The following CNIH3 variants were observed in gnomAD, a reference collection of about 807,000 sequenced individuals.
CNIH3 encodes the protein protein cornichon homolog 3.
CNIH3 carries 14 observed loss-of-function variants against 24.1 expected under a neutral mutation model. The ratio of observed to expected loss-of-function variants is 0.58; its 90% CI spans 0.38 to 0.91. CNIH3 has a LOEUF of 0.91. CNIH3 is among the 40% of genes least tolerant of loss of function. The pLI is 0.00. For synonymous variants in CNIH3, 68 were observed against 73.8 expected (o/e 0.92, Z 0.40); for missense variants, 178 against 196.8 (o/e 0.90, Z 0.57).
intron 3 of CNIH3, among the ~76,000 whole-genome samples, chr1:224,561,057 C>T (rs996104302): frequency 8.5e-5 from 13 of 152,098 alleles, no homozygotes; most frequent in Non-Finnish European, 1.9e-4. Context: ...GAGTTTCTTA[C>T]CCTTTGTTCT....
chr1:224,561,574 C>A (rs1292757284), intron 3 of CNIH3, among the ~76,000 whole-genome samples: 1 of 152,132 alleles, frequency 6.6e-6, no homozygotes, highest in Non-Finnish European at 1.5e-5. Flanking sequence ...GATGTGGCCT[C>A]TTCTAATGGG....
intron 1 of CNIH3, among the ~76,000 whole-genome samples, chr1:224,450,202 A>G (rs1034461420): frequency 7.9e-5 from 12 of 152,220 alleles, no homozygotes; most frequent in Non-Finnish European, 1.6e-4. Context: ...TATTCTTATA[A>G]GCTTACACAA....
At chr1:224,493,259 T>C (rs1016157895) in intron 1 of CNIH3, among the ~76,000 whole-genome samples, 2 of 152,226 alleles carry the variant, frequency 1.3e-5, no homozygotes, top group African/African-American at 4.8e-5. Flanking sequence ...ATTCGTGTAA[T>C]ATATATGCGG....
At chr1:224,722,504 C>A (rs1688774084) in intron 3 of CNIH3, among the ~76,000 whole-genome samples, 1 of 152,112 alleles carries the variant, frequency 6.6e-6, no homozygotes, top group Non-Finnish European at 1.5e-5. Context: ...TTCGGTAGGT[C>A]TGGGATGGGG....
chr1:224,522,621 G>A (rs1359548889), intron 2 of CNIH3, among the ~76,000 whole-genome samples: 1 of 152,134 alleles, frequency 6.6e-6, no homozygotes, highest in African/African-American at 2.4e-5. Flanking sequence ...AGATTGACAG[G>A]GCATTTCACA....
At chr1:224,507,193 A>G (rs1572381595) in intron 1 of CNIH3, among the ~76,000 whole-genome samples, 1 of 152,146 alleles carries the variant, frequency 6.6e-6, no homozygotes, top group Non-Finnish European at 1.5e-5. Flanking sequence ...ATCAACATGT[A>G]TGTATCCCTC....
At chr1:224,467,205 T>C (rs1676183912) in intron 1 of CNIH3, among the ~76,000 whole-genome samples, 1 of 152,164 alleles carries the variant, frequency 6.6e-6, no homozygotes. Flanking sequence ...TTTTCTGTTT[T>C]TTGTAGAGAC....
chr1:224,724,400 A>T (rs2125230049), intron 3 of CNIH3, among the ~76,000 whole-genome samples: 1 of 152,334 alleles, frequency 6.6e-6, no homozygotes. Flanking sequence ...ATTAAAGAGC[A>T]TGTGGCCTCC....
chr1:224,694,341 C>A (rs1344421901), intron 3 of CNIH3, among the ~76,000 whole-genome samples: 2 of 152,342 alleles, frequency 1.3e-5, no homozygotes, highest in East Asian at 3.9e-4. Flanking sequence ...GCCCTCATGG[C>A]AGCAGGAGAA....
At chr1:224,650,362 A>C (rs992913675) in intron 1 of CNIH3, among the ~76,000 whole-genome samples, 6 of 152,182 alleles carry the variant, frequency 3.9e-5, no homozygotes, top group African/African-American at 1.4e-4. Flanking sequence ...GGCTGAGTAC[A>C]TACTTCCTGG....
intron 1 of CNIH3, among the ~76,000 whole-genome samples, chr1:224,649,683 C>T (rs567381547): frequency 1.3e-5 from 2 of 152,192 alleles, no homozygotes; most frequent in South Asian, 2.1e-4. Flanking sequence ...AAACTTTGCC[C>T]GAGGAAAGAA....
intron 1 of CNIH3, among the ~76,000 whole-genome samples, chr1:224,483,763 G>T (rs892459417): frequency 1.3e-5 from 2 of 152,118 alleles, no homozygotes; most frequent in East Asian, 3.9e-4. Flanking sequence ...TTCCTGTGGG[G>T]GATGACAATC....
At chr1:224,465,765 C>T (rs930970307) in intron 1 of CNIH3, among the ~76,000 whole-genome samples, 41 of 152,188 alleles carry the variant, frequency 2.7e-4, no homozygotes, top group African/African-American at 8.7e-4. Flanking sequence ...CTGTGGCTCA[C>T]GCCTGTAACC....
chr1:224,723,222 C>T (rs1688829908), intron 3 of CNIH3, among the ~76,000 whole-genome samples: 1 of 152,170 alleles, frequency 6.6e-6, no homozygotes, highest in South Asian at 2.1e-4. Context: ...GCATGTGTGG[C>T]TGGTTGCTGA....
chr1:224,463,115 CTCGATCT>C (rs1675996656), intron 1 of CNIH3, among the ~76,000 whole-genome samples: 1 of 151,952 alleles, frequency 6.6e-6, no homozygotes, highest in Admixed American at 6.6e-5. Flanking sequence ...CCAGGATGGT[CTCGATCT>C]CTTGACCTCG....
chr1:224,698,095 GT>G (rs1338690286), intron 3 of CNIH3, among the ~76,000 whole-genome samples: 1 of 152,176 alleles, frequency 6.6e-6, no homozygotes, highest in Admixed American at 6.5e-5. Context: ...CCAGAACTGA[GT>G]TTCACTGGCT....
chr1:224,524,633 G>A lies in CNIH3; in HGVS notation n.343+3306G>A, dbSNP rs114390118. On this transcript the variant is annotated intron_variant and non_coding_transcript_variant, in intron 2 of 2. Coordinates refer to the CNIH3 transcript ENST00000470602. The stretch of plus-strand genomic sequence containing the variant: ...TATGTAGTATAGTTGCATTGTGTTA[G>A]GTAGGGATATTACTGAAATTGAACA... Among the ~76,000 whole-genome samples, 760 of 152,256 alleles carry A rather than the reference G, an allele frequency of 5.0e-3. 10 individuals carry two copies. Among genetic ancestry groups the A allele is most frequent in the African/African-American group, 0.016 (675 of 41,550 alleles).
chr1:224,568,448 A>G (rs1358580548), intron 4 of CNIH3, among the ~76,000 whole-genome samples: 5 of 152,158 alleles, frequency 3.3e-5, no homozygotes, highest in Non-Finnish European at 7.4e-5. Context: ...TATAATATAT[A>G]TGTGATGTGT....
At chr1:224,607,943 T>C (rs1682502830) in intron 3 of CNIH3, among the ~76,000 whole-genome samples, 1 of 152,154 alleles carries the variant, frequency 6.6e-6, no homozygotes, top group African/African-American at 2.4e-5. Context: ...AAAAAGTTAT[T>C]GTGCAATAAA....
Sources: gnomAD v4.1 joint callset for allele counts (sites outside exome capture counted in the v4.1 genomes callset) on GRCh38, gnomAD v4.1.1 for gene constraint, MANE v1.5 for transcripts, NCBI Gene and HGNC (gene_info 2026-07-23, HGNC 2026-07-21) for gene names.